Variants in C8orf34 observed in about 807,000 individuals in gnomAD.
The protein encoded by C8orf34 is chromosome 8 open reading frame 34.
Under a neutral mutation model 68.3 loss-of-function variants are expected in C8orf34, and 65 were observed. The observed-to-expected ratio is 0.95, with a 90% CI of 0.78 to 1.17. The LOEUF (loss-of-function observed/expected upper bound fraction) is 1.17. C8orf34 is among the 50% of genes most tolerant of loss of function. The pLI is 0.00. For missense variants in C8orf34, 664 were observed against 655.4 expected (o/e 1.01, Z -0.14); for synonymous variants, 244 against 241.2 (o/e 1.01, Z -0.11).
chr8:68,446,060 T>C (rs1409952742), intron 2 of C8orf34, among the ~76,000 whole-genome samples: 1 of 152,182 alleles, frequency 6.6e-6, no homozygotes, highest in Non-Finnish European at 1.5e-5. Context: ...AGTGCTGGGA[T>C]TACAGGCATG....
At chr8:68,659,402 GTGTTTTTAA>G (rs1434195553) in intron 8 of C8orf34, among the ~76,000 whole-genome samples, 1 of 152,088 alleles carries the variant, frequency 6.6e-6, no homozygotes, top group African/African-American at 2.4e-5. Context: ...ATAGGTTGTG[GTGTTTTTAA>G]TCTCCTGTTT....
At chr8:68,690,251 A>G (rs902288434) in intron 8 of C8orf34, among the ~76,000 whole-genome samples, 3 of 151,920 alleles carry the variant, frequency 2.0e-5, no homozygotes, top group Non-Finnish European at 4.4e-5. Flanking sequence ...GGACATTTGA[A>G]AACTATTGTA....
chr8:68,750,225 A>C (rs116263736), intron 10 of C8orf34, among the ~76,000 whole-genome samples: 1 of 152,198 alleles, frequency 6.6e-6, no homozygotes, highest in East Asian at 1.9e-4. Context: ...AACCCAACAT[A>C]CATGAACTAA....
chr8:68,341,208 T>C (rs1806055821), intron 1 of C8orf34, among the ~76,000 whole-genome samples: 1 of 152,140 alleles, frequency 6.6e-6, no homozygotes, highest in Admixed American at 6.5e-5. Flanking sequence ...TGTCTTCACA[T>C]GGAAAGGGCA....
chr8:68,494,710 G>A (rs1813450412), intron 5 of C8orf34, among the ~76,000 whole-genome samples: 1 of 151,782 alleles, frequency 6.6e-6, no homozygotes, highest in African/African-American at 2.4e-5. Flanking sequence ...CAAAAAATGA[G>A]TCGGGCATGG....
At chr8:68,444,297 T>C (rs1012759995) in intron 2 of C8orf34, among the ~76,000 whole-genome samples, 5 of 152,136 alleles carry the variant, frequency 3.3e-5, no homozygotes, top group African/African-American at 1.2e-4. Context: ...TTGGTTAGCC[T>C]ATCTCCTCTC....
At position 68,529,789 on chromosome 8, in the gene C8orf34, T is replaced by G. The variant is rs947440937; in HGVS notation, c.939-3194T>G. Reference sequence around the variant, plus strand: ...TTTTAGAAATAATTATATTATGTTTTATAAACTGACATTTGATTTATGCTT... The same window carrying G: ...TTTTAGAAATAATTATATTATGTTTGATAAACTGACATTTGATTTATGCTT... On this transcript the variant is annotated intron_variant, in intron 6 of 13. Coordinates refer to ENST00000518698, the MANE Select transcript of C8orf34 (RefSeq NM_052958.4). Among the ~76,000 whole-genome samples, 3 of 152,182 alleles carry G rather than the reference T, an allele frequency of 2.0e-5. No individual in the cohort carries two copies. In the South Asian group the frequency reaches 6.2e-4, roughly 31 times the overall value.
chr8:68,595,724 CTT>C (rs1356207446), intron 7 of C8orf34, among the ~76,000 whole-genome samples: 10 of 151,904 alleles, frequency 6.6e-5, no homozygotes, highest in Non-Finnish European at 1.2e-4. Flanking sequence ...GAAATTAATA[CTT>C]TTGTGTATTT....
At chr8:68,441,089 C>G (rs549107295) in intron 2 of C8orf34, among the ~76,000 whole-genome samples, 1 of 152,184 alleles carries the variant, frequency 6.6e-6, no homozygotes, top group East Asian at 1.9e-4. Flanking sequence ...CAGGCATGAG[C>G]CACCATGCCC....
At chr8:68,478,047 G>A (rs1049727918) in intron 4 of C8orf34, among the ~76,000 whole-genome samples, 7 of 152,174 alleles carry the variant, frequency 4.6e-5, no homozygotes, top group Non-Finnish European at 1.5e-5. Flanking sequence ...TTTCCCCATT[G>A]TCTTGGTGAA....
rs575369824 is a variant in C8orf34 at position 68,555,136 on chromosome 8, G to T, written c.1105+21987G>T. Among the ~76,000 whole-genome samples the T allele has an allele frequency of 6.6e-5, 10 of 152,106 alleles. No homozygotes were observed. In the East Asian group the frequency reaches 1.9e-3, roughly 29 times the overall value. ...TTGTTTTGCAAGTTTTATTGAATAA[G>T]CCCAAAGGGATAGTGTGGTATAGTA... On this transcript the variant is annotated intron_variant, in intron 7 of 13. Coordinates refer to ENST00000518698, the MANE Select transcript of C8orf34 (RefSeq NM_052958.4).
intron 7 of C8orf34, among the ~76,000 whole-genome samples, chr8:68,591,660 T>C (rs10504427): frequency 0.076 from 11,610 of 152,282 alleles, 456 homozygotes; most frequent in East Asian, 0.15. Flanking sequence ...AATGATTCTA[T>C]TGTCTATGAG....
At chr8:68,375,724 T>C (rs942727403) in intron 1 of C8orf34, among the ~76,000 whole-genome samples, 2 of 152,218 alleles carry the variant, frequency 1.3e-5, no homozygotes, top group Admixed American at 6.5e-5. Context: ...TATGTGTGTG[T>C]CTTACCTTGA....
intron 7 of C8orf34, among the ~76,000 whole-genome samples, chr8:68,536,201 C>T (rs1006488284): frequency 2.6e-5 from 4 of 151,250 alleles, no homozygotes; most frequent in African/African-American, 7.3e-5. Flanking sequence ...GGAAACATGA[C>T]GAAACCTCGT....
chr8:68,404,865 T>C (rs979868839), intron 1 of C8orf34, among the ~76,000 whole-genome samples: 1 of 152,268 alleles, frequency 6.6e-6, no homozygotes, highest in Non-Finnish European at 1.5e-5. Flanking sequence ...GGGCTCTTTT[T>C]TTGAAATTTA....
Position 68,651,778 on chromosome 8 carries a change from A to T in C8orf34, c.1241+11267A>T, listed in dbSNP as rs1159695. Among the ~76,000 whole-genome samples, 1,216 of 152,284 alleles carry T rather than the reference A, an allele frequency of 8.0e-3. 24 individuals are homozygous for T. Among genetic ancestry groups the T allele is most frequent in the East Asian group, 0.061 (316 of 5,166 alleles). On this transcript the variant is annotated intron_variant, in intron 8 of 13. Coordinates refer to ENST00000518698, the MANE Select transcript of C8orf34 (RefSeq NM_052958.4). ...TGGGGAGGTTTGGCGAGGGTGAGGG[A>T]TGAAAAATTACCTATTGGGTACAAT...
Position 68,402,048 on chromosome 8 carries a change from ATGT to A in C8orf34, c.328-37444_328-37442del, listed in dbSNP as rs527448984. ...CAAATTCACCTGGTTTTGGGCTTTT[ATGT>A]TGTTGTGGGAGATTTTTATTACTCC... On this transcript the variant is annotated intron_variant, in intron 1 of 13. Coordinates refer to ENST00000518698, the MANE Select transcript of C8orf34 (RefSeq NM_052958.4). 5.6e-4 allele frequency among the ~76,000 whole-genome samples: 85 copies of A among 151,958 alleles called. 1 individual carries two copies. The highest frequency in any genetic ancestry group is 5.2e-3 in the East Asian group (27 of 5,146).
chr8:68,714,512 C>A (rs1821413703), intron 9 of C8orf34, among the ~76,000 whole-genome samples: 1 of 151,892 alleles, frequency 6.6e-6, no homozygotes, highest in Non-Finnish European at 1.5e-5. Context: ...AAATCGAGAA[C>A]TCAACCCTTT....
intron 12 of C8orf34, among the ~76,000 whole-genome samples, chr8:68,802,905 A>T (rs1268454062): frequency 1.3e-5 from 2 of 152,228 alleles, no homozygotes; most frequent in Non-Finnish European, 1.5e-5. Context: ...GACAAACCTG[A>T]AAATTCAAAT....
Sources: gnomAD v4.1 joint callset for allele counts (sites outside exome capture counted in the v4.1 genomes callset) on GRCh38, gnomAD v4.1.1 for gene constraint, MANE v1.5 for transcripts, NCBI Gene and HGNC (gene_info 2026-07-23, HGNC 2026-07-21) for gene names.